RAB9B: variants seen among roughly 807,000 people sequenced by gnomAD.
The protein encoded by RAB9B is ras-related protein Rab-9B.
In RAB9B, 1 loss-of-function variant was observed where a neutral mutation model predicts 8.9. The ratio of observed to expected loss-of-function variants is 0.11; its 90% CI spans 0.04 to 0.53. The LOEUF (loss-of-function observed/expected upper bound fraction) is 0.53. RAB9B is among the 20% of genes least tolerant of loss of function. The probability of loss-of-function intolerance (pLI) is 0.93; values close to 1 mark genes in which losing one functional copy is unlikely to be tolerated. For synonymous variants in RAB9B, 63 were observed against 57.0 expected, an observed-to-expected ratio of 1.10 and a Z score of -0.47; for missense variants, 82 against 152.9, an observed-to-expected ratio of 0.54 and a Z score of 2.45.
chrX:103,790,157 G>C, the RAB9B span, among the ~76,000 whole-genome samples: 2 of 112,305 alleles, frequency 1.8e-5, no homozygotes, highest in African/African-American at 3.2e-5. Flanking sequence ...TGCATGATGT[G>C]GCTGTGTGTC....
the RAB9B span, chrX:103,789,259 T>C: frequency 5.4e-6 from 4 of 744,345 alleles, no homozygotes; most frequent in Non-Finnish European, 8.5e-6. Context: ...TTCAGAAAGC[T>C]GTATTCATGA....
At chrX:103,797,861 C>A in the RAB9B span, among the ~76,000 whole-genome samples, 1 of 111,857 alleles carries the variant, frequency 8.9e-6, no homozygotes, top group Non-Finnish European at 1.9e-5. Context: ...GGGGGATAAC[C>A]TGAAGGAAGT....
chrX:103,781,816 A>G, the RAB9B span, among the ~76,000 whole-genome samples: 1 of 112,432 alleles, frequency 8.9e-6, no homozygotes, highest in East Asian at 2.8e-4. Context: ...CTCATCTCGC[A>G]GTCTGTACTT....
At chrX:103,784,038 G>T in the RAB9B span, among the ~76,000 whole-genome samples, 3 of 112,226 alleles carry the variant, frequency 2.7e-5, no homozygotes, top group Non-Finnish European at 3.8e-5. Flanking sequence ...CTGGCCGAGA[G>T]GCCAGAGGAA....
the RAB9B span, among the ~76,000 whole-genome samples, chrX:103,797,306 G>A: frequency 5.4e-5 from 6 of 110,452 alleles, 1 homozygote; most frequent in Admixed American, 9.6e-5. Context: ...TGCCCAGGCT[G>A]TCTCGAATTC....
chrX:103,787,640 C>T, the RAB9B span: 2 of 515,667 alleles, frequency 3.9e-6, no homozygotes, highest in South Asian at 5.3e-5. Context: ...CTGCCAATTA[C>T]CCTTGGCAGA....
chrX:103,782,743 T>A, the RAB9B span, among the ~76,000 whole-genome samples: 1 of 111,086 alleles, frequency 9.0e-6, no homozygotes, highest in Non-Finnish European at 1.9e-5. Context: ...TGGCTCTTCT[T>A]ACCCTCGGCT....
At chrX:103,804,927 T>C in the RAB9B span, among the ~76,000 whole-genome samples, 1 of 111,863 alleles carries the variant, frequency 8.9e-6, no homozygotes, top group Non-Finnish European at 1.9e-5. Context: ...TTTTTTAATA[T>C]ATAAAATCAC....
At chrX:103,789,064 T>C in the RAB9B span, 1 of 395,183 alleles carries the variant, frequency 2.5e-6, no homozygotes. Flanking sequence ...TTTGGGCCCC[T>C]GGGCACAACT....
At chrX:103,776,717 A>T in the RAB9B span, 4 of 331,963 alleles carry the variant, frequency 1.2e-5, no homozygotes, top group Non-Finnish European at 2.1e-5. Flanking sequence ...GAAAGAGAAG[A>T]TGGAGCCCTT....
At chrX:103,784,859 G>A in the RAB9B span, among the ~76,000 whole-genome samples, 4 of 111,779 alleles carry the variant, frequency 3.6e-5, no homozygotes, top group Non-Finnish European at 5.6e-5. Context: ...TTCATATCCC[G>A]TATAACACCC....
chrX:103,802,105 C>A, the RAB9B span, among the ~76,000 whole-genome samples: 1 of 109,391 alleles, frequency 9.1e-6, no homozygotes, highest in Non-Finnish European at 1.9e-5. Context: ...AAGATACCAG[C>A]ATGTTTAAGG....
At chrX:103,798,816 A>G in the RAB9B span, among the ~76,000 whole-genome samples, 1 of 108,458 alleles carries the variant, frequency 9.2e-6, no homozygotes, top group African/African-American at 3.4e-5. Context: ...CTAATTTTTT[A>G]TTTTTAGTAG....
At chrX:103,803,915 A>G in the RAB9B span, among the ~76,000 whole-genome samples, 3 of 112,753 alleles carry the variant, frequency 2.7e-5, no homozygotes, top group African/African-American at 6.4e-5. Context: ...TGTCAGATAC[A>G]TGATTTTCAA....
the RAB9B span, chrX:103,781,204 GC>G: frequency 3.5e-6 from 1 of 283,611 alleles, no homozygotes; most frequent in Non-Finnish European, 7.1e-6. Context: ...CTTGAGGCGG[GC>G]CCAGGGCATG....
the RAB9B span, among the ~76,000 whole-genome samples, chrX:103,798,786 G>A: frequency 1.8e-5 from 2 of 108,241 alleles, no homozygotes; most frequent in Non-Finnish European, 3.8e-5. Context: ...AGGATTACAG[G>A]CATGCATCAC....
chrX:103,813,128 G>A, the RAB9B span, among the ~76,000 whole-genome samples: 2 of 108,992 alleles, frequency 1.8e-5, no homozygotes, highest in Admixed American at 2.0e-4. Flanking sequence ...TCACCGTGTT[G>A]GCCAGGATGG....
At chrX:103,799,748 A>G in the RAB9B span, among the ~76,000 whole-genome samples, 1 of 112,597 alleles carries the variant, frequency 8.9e-6, no homozygotes, top group African/African-American at 3.2e-5. Context: ...AAAGAGCCTC[A>G]TGCAACCATT....
chrX:103,805,973 C>G, the RAB9B span, among the ~76,000 whole-genome samples: 1 of 111,161 alleles, frequency 9.0e-6, no homozygotes, highest in Non-Finnish European at 1.9e-5. Context: ...CAGGGTCTCA[C>G]TCTGTCACCC....
Sources: allele counts gnomAD v4.1 joint callset (sites outside exome capture counted in the v4.1 genomes callset), GRCh38; gene constraint gnomAD v4.1.1; transcripts MANE v1.5; gene names NCBI Gene and HGNC (gene_info 2026-07-23, HGNC 2026-07-21).